UNK: variants seen among roughly 807,000 people sequenced by gnomAD.
The protein encoded by UNK is RING finger protein unkempt homolog.
A neutral mutation model predicts 97.6 loss-of-function variants in UNK; 32 were observed. The observed-to-expected ratio is 0.33, with a 90% CI of 0.25 to 0.44. The LOEUF (loss-of-function observed/expected upper bound fraction) is 0.44. Among genes scored for constraint, UNK ranks in the 20% least tolerant of loss-of-function variants. The probability of loss-of-function intolerance (pLI) is 1.00; values close to 1 mark genes in which losing one functional copy is unlikely to be tolerated. For missense variants in UNK, 771 were observed against 1,098.4 expected, an observed-to-expected ratio of 0.70 and a Z score of 4.21; for synonymous variants, 441 against 461.2, an observed-to-expected ratio of 0.96 and a Z score of 0.56.
chr17:75,799,485 G>T (rs1431405669), intron 1 of UNK, among the ~76,000 whole-genome samples: 1 of 152,214 alleles, frequency 6.6e-6, no homozygotes, highest in African/African-American at 2.4e-5. Context: ...GCCAGGAGAT[G>T]TATCTAAGTC....
At position 75,812,441 on chromosome 17, in the gene UNK, T is replaced by C. The variant is rs2061977813; in HGVS notation, c.492-14T>C. ...CCCCCTCTCCACCCTCTCTGTTCTT[T>C]CCTCTCCTCCCAGGGAGCTTCAGGC... is the stretch of plus-strand genomic sequence containing the variant. On this transcript the variant is annotated splice_polypyrimidine_tract_variant and intron_variant, in intron 3 of 15. Transcript: ENST00000589666. The C allele has an allele frequency of 1.2e-6, 2 of 1,608,506 alleles. No individual in the cohort carries two copies. The highest frequency in any genetic ancestry group is 2.7e-5 in the African/African-American group (2 of 74,768).
intron 13 of UNK, 147 bp from the exon 14 acceptor site, chr17:75,822,329 TC>T: frequency 1.0e-6 from 1 of 974,304 alleles, no homozygotes; most frequent in Non-Finnish European, 1.5e-6. Flanking sequence ...AGCCTTCCTG[TC>T]CCTGCAAAAT....
rs768030243 is a variant in UNK, at chr17:75,817,272, C to T, written c.1105-54C>T. The T allele has an allele frequency of 3.2e-5, 47 of 1,488,138 alleles. No individual in the cohort carries two copies. The highest frequency in any genetic ancestry group is 2.1e-4 in the East Asian group (9 of 43,658). The allele number at this position is 1,488,138 out of a possible 1,614,324, so 92.2% of individuals were successfully genotyped here. The stretch of plus-strand genomic sequence containing the variant: ...TCTGGAGAGGGTGGAGGATGGGCCA[C>T]GCACCAGCCTGCGCTGTGCCCACGG... On this transcript the variant is annotated intron_variant, in intron 8 of 15. Transcript: ENST00000589666. This position sits in a 1 kb window ranked among gnomAD's most constrained non-coding sequence, Gnocchi z 5.8.
chr17:75,800,999 G>A (rs2061851979), intron 1 of UNK, among the ~76,000 whole-genome samples: 1 of 151,674 alleles, frequency 6.6e-6, no homozygotes, highest in Admixed American at 6.6e-5. Flanking sequence ...TGTCTCCCGG[G>A]TTCATACCAT....
At chr17:75,821,619 C>T (rs753562524) in intron 13 of UNK, 75 of 456,510 alleles carry the variant, frequency 1.6e-4, no homozygotes, top group South Asian at 1.1e-3. Context: ...GAGAGCAAAG[C>T]GTCTTAAATC....
intron 1 of UNK, among the ~76,000 whole-genome samples, chr17:75,807,135 AG>A (rs1455439793): frequency 6.6e-6 from 1 of 152,202 alleles, no homozygotes; most frequent in African/African-American, 2.4e-5. Context: ...AACATATCCT[AG>A]GTTTCTCCTC....
Position 75,818,514 on chromosome 17 carries a change from G to C in UNK, c.1372-128G>C. Reference sequence around the variant, plus strand: ...TGTCGGGTGTGCCGGGGCCCATGTGGGCATGGGGGCACCCGGACTAGAGCT... The same window carrying C: ...TGTCGGGTGTGCCGGGGCCCATGTGCGCATGGGGGCACCCGGACTAGAGCT... On this transcript the variant is annotated intron_variant, in intron 10 of 15. Transcript: ENST00000589666. The surrounding 1 kb of genome is among the most constrained non-coding windows in gnomAD (Gnocchi z 5.1). 6 of 1,126,226 alleles carry C rather than the reference G, an allele frequency of 5.3e-6. No homozygotes were observed. The highest frequency in any genetic ancestry group is 7.4e-6 in the Non-Finnish European group (6 of 813,162). 69.8% of individuals were successfully genotyped at this position (1,126,226 alleles called of 1,614,324 possible).
chr17:75,810,275 T>A (rs2061956635), intron 2 of UNK, among the ~76,000 whole-genome samples: 1 of 152,214 alleles, frequency 6.6e-6, no homozygotes, highest in South Asian at 2.1e-4. Flanking sequence ...CCCATGCAGT[T>A]CCCACCAAAG....
Position 75,813,774 on chromosome 17 carries a change from C to T in UNK, c.772C>T (p.Pro258Ser), listed in dbSNP as rs1307811859. 3.1e-6 allele frequency: 5 copies of T among 1,594,978 alleles called. No individual in the cohort carries two copies. In the South Asian group the frequency reaches 5.7e-5, roughly 18 times the overall value. Residue 258 changes from proline to serine, a missense_variant, in exon 6 of 16, where the codon CCA becomes TCA. Coordinates refer to ENST00000589666, the MANE Select transcript of UNK (RefSeq NM_001080419.3). ...CTTGTTGGCCAGGTCGTCTCCATGT[C>T]CAAACGTCAAGCACGGGGATGAGTG... ...RKHKYRSSPC[P>S]NVKHGDEWGD...
intron 1 of UNK, chr17:75,791,696 G>A (rs2061765432): frequency 1.0e-6 from 1 of 970,820 alleles, no homozygotes; most frequent in South Asian, 4.8e-5. Flanking sequence ...GTTGATATTT[G>A]CTATTATCTA....
chr17:75,823,521 A>G lies in UNK; in HGVS notation c.2276A>G (p.Lys759Arg). The change falls in exon 15 of 16, where the codon AAG becomes AGG. Residue 759 changes from lysine to arginine, a missense_variant and splice_region_variant. Around this residue, in one of 5 missense-constraint regions of UNK, gnomAD observed 208 missense variants for 257.4 expected, o/e 0.81. Transcript: ENST00000589666. Reference protein sequence around the residue: ...QLRAHLEQVDKAVFHMQSVKC... With the variant: ...QLRAHLEQVDRAVFHMQSVKC... The stretch of plus-strand genomic sequence containing the variant: ...CGGGCCCACCTGGAACAAGTGGACA[A>G]GGTCAGCCCAGGTCGGGGAGCACTG... 1 of 1,542,282 alleles carries G rather than the reference A, an allele frequency of 6.5e-7. No individual in the cohort carries two copies. Among genetic ancestry groups the G allele is most frequent in the Non-Finnish European group, 8.8e-7 (1 of 1,138,090 alleles).
chr17:75,794,045 A>G, intron 1 of UNK: 1 of 985,316 alleles, frequency 1.0e-6, no homozygotes, highest in Non-Finnish European at 1.2e-6. Flanking sequence ...GATTTGTGTG[A>G]ATCAGACCAT....
At chr17:75,823,595 C>T in intron 15 of UNK, 73 bp downstream of exon 15, 2 of 1,448,148 alleles carry the variant, frequency 1.4e-6, no homozygotes, top group Non-Finnish European at 1.8e-6. Context: ...TGACCTGGTC[C>T]AGGCTGCTCC....
chr17:75,808,343 G>C (rs2061937434), intron 1 of UNK, among the ~76,000 whole-genome samples: 2 of 152,184 alleles, frequency 1.3e-5, no homozygotes, highest in African/African-American at 4.8e-5. Flanking sequence ...CCAGATTTCT[G>C]CCTGGGGTCT....
chr17:75,822,518 T>G lies in UNK; in HGVS notation c.1879T>G (p.Ser627Ala). 6.2e-7 allele frequency: 1 copy of G among 1,613,610 alleles called. No individual in the cohort carries two copies. Among genetic ancestry groups the G allele is most frequent in the Non-Finnish European group, 8.5e-7 (1 of 1,179,772 alleles). ...MNSSIWEHFASGSFSPGTSPA... is the reference protein window; with the variant it reads ...MNSSIWEHFAAGSFSPGTSPA... ...CAGCAGCATCTGGGAGCATTTTGCC[T>G]CTGGAAGCTTCTCCCCGGGCACTTC... Residue 627 changes from serine to alanine, a missense_variant, in exon 14 of 16, where the codon TCT (serine) becomes GCT (alanine). Around this residue, in one of 5 missense-constraint regions of UNK, gnomAD observed 208 missense variants for 257.4 expected, o/e 0.81. Transcript: ENST00000589666.
chr17:75,823,459 C>T lies in UNK; in HGVS notation c.2214C>T (p.Leu738=), dbSNP rs777582078. The T allele has an allele frequency of 6.3e-7, 1 of 1,583,136 alleles. No homozygotes were observed. Among genetic ancestry groups the T allele is most frequent in the African/African-American group, 1.3e-5 (1 of 74,308 alleles). ...ALPAFSDLEA[L]SLSTLYSLQK... Reference sequence around the variant, plus strand: ...CCGCCTTCTCCGACCTGGAGGCGCTCTCACTCTCCACCCTCTACTCCCTCC... The same window carrying T: ...CCGCCTTCTCCGACCTGGAGGCGCTTTCACTCTCCACCCTCTACTCCCTCC... The change falls in exon 15 of 16, where the codon CTC becomes CTT. Residue 738 remains leucine, a synonymous_variant. Transcript: ENST00000589666.
In UNK at chr17:75,818,993, G is replaced by A. The variant is rs985438695; in HGVS notation, c.1546+177G>A. The A allele has an allele frequency of 1.5e-4, 103 of 710,314 alleles. No individual in the cohort carries two copies. In the African/African-American group the frequency reaches 1.5e-3, roughly 11 times the overall value. The allele number at this position is 710,314 out of a possible 1,614,324, so 44.0% of individuals were successfully genotyped here. ...AAAGGGGAAATGACCCCAAGGTGTA[G>A]GGCCAGGACTGACCCTTAGAGCTCC... On this transcript the variant is annotated intron_variant, in intron 11 of 15. Transcript: ENST00000589666. This position sits in a 1 kb window ranked among gnomAD's most constrained non-coding sequence, Gnocchi z 5.1.
chr17:75,788,573 T>C (rs554117838), intron 1 of UNK, among the ~76,000 whole-genome samples: 252 of 152,210 alleles, frequency 1.7e-3, no homozygotes, highest in African/African-American at 5.6e-3. Context: ...AGGCTGGTCT[T>C]GAACTCCTGA....
chr17:75,787,662 AAAAAT>A (rs2061725276), intron 1 of UNK, among the ~76,000 whole-genome samples: 1 of 151,838 alleles, frequency 6.6e-6, no homozygotes, highest in Non-Finnish European at 1.5e-5. Flanking sequence ...CGTCTCTACT[AAAAAT>A]ACAAAAAATT....
Sources: gnomAD v4.1 joint callset for allele counts (sites outside exome capture counted in the v4.1 genomes callset) on GRCh38, gnomAD v4.1.1 for gene constraint, gnomAD v4.1.1 regional missense constraint, Gnocchi (gnomAD v3.1) non-coding constraint, MANE v1.5 for transcripts, NCBI Gene and HGNC (gene_info 2026-07-23, HGNC 2026-07-21) for gene names.